The following CSMD1 variants were observed in gnomAD, a reference collection of about 807,000 sequenced individuals.
CSMD1 encodes CUB and sushi domain-containing protein 1.
Under a neutral mutation model 417.5 loss-of-function variants are expected in CSMD1, and 213 were observed. That is an observed-to-expected ratio of 0.51 (90% confidence interval 0.46 to 0.57). The LOEUF (loss-of-function observed/expected upper bound fraction) is 0.57. CSMD1 is among the 20% of genes least tolerant of loss of function. The probability of loss-of-function intolerance (pLI) is 0.00; values close to 1 mark genes in which losing one functional copy is unlikely to be tolerated. For synonymous variants in CSMD1, 2,862 were observed against 1,736.8 expected (o/e 1.65, Z -16.11); for missense variants, 6,923 against 4,529.7 (o/e 1.53, Z -15.17).
intron 2 of CSMD1, among the ~76,000 whole-genome samples, chr8:4,551,874 G>C (rs1000697576): frequency 7.0e-5 from 10 of 142,470 alleles, no homozygotes; most frequent in African/African-American, 2.1e-4. Flanking sequence ...TTTTTGTAGA[G>C]ATGGGGTATC....
intron 10 of CSMD1, among the ~76,000 whole-genome samples, chr8:3,555,606 A>G (rs939293025): frequency 6.6e-6 from 1 of 152,230 alleles, no homozygotes; most frequent in Non-Finnish European, 1.5e-5. Context: ...AATTCTACAG[A>G]ACAAACTTAT....
At chr8:3,021,274 G>T (rs965447056) in intron 51 of CSMD1, among the ~76,000 whole-genome samples, 1 of 152,194 alleles carries the variant, frequency 6.6e-6, no homozygotes, top group Non-Finnish European at 1.5e-5. Context: ...TAAAGAAGAA[G>T]TAATGGAGCA....
At chr8:4,161,146 G>A (rs1797134505) in intron 3 of CSMD1, among the ~76,000 whole-genome samples, 12 of 151,110 alleles carry the variant, frequency 7.9e-5, no homozygotes, top group Admixed American at 7.9e-4. Flanking sequence ...CATGTCTTAA[G>A]ACATGATAAA....
chr8:4,596,199 G>A (rs114099159), intron 2 of CSMD1, among the ~76,000 whole-genome samples: 2 of 152,226 alleles, frequency 1.3e-5, no homozygotes, highest in Admixed American at 6.5e-5. Context: ...AAGTAAGTTT[G>A]GTTTTGGTAG....
intron 23 of CSMD1, among the ~76,000 whole-genome samples, chr8:3,327,494 A>T (rs1227596397): frequency 6.6e-6 from 1 of 152,196 alleles, no homozygotes; most frequent in African/African-American, 2.4e-5. Context: ...TTTCCTCTTA[A>T]CATACACATC....
intron 6 of CSMD1, among the ~76,000 whole-genome samples, chr8:3,736,591 C>T (rs986144182): frequency 6.6e-6 from 1 of 152,224 alleles, no homozygotes; most frequent in African/African-American, 2.4e-5. Context: ...GCTCCCAGGC[C>T]CTGGCTCCTG....
At chr8:4,565,981 G>C (rs1345312268) in intron 2 of CSMD1, among the ~76,000 whole-genome samples, 1 of 151,364 alleles carries the variant, frequency 6.6e-6, no homozygotes, top group Admixed American at 6.6e-5. Context: ...ATCTATATTT[G>C]GGTCTATTGA....
chr8:3,912,006 C>T (rs938679218), intron 5 of CSMD1, among the ~76,000 whole-genome samples: 1 of 152,180 alleles, frequency 6.6e-6, no homozygotes, highest in Admixed American at 6.5e-5. Context: ...TTCAAAGGAT[C>T]ACCAATTGTC....
intron 3 of CSMD1, among the ~76,000 whole-genome samples, chr8:4,224,069 A>C (rs905062074): frequency 2.0e-5 from 3 of 152,106 alleles, no homozygotes; most frequent in Admixed American, 1.3e-4. Context: ...AAACAGGGCT[A>C]AAGGCTGATG....
chr8:2,985,781 G>C (rs76698791), intron 54 of CSMD1, among the ~76,000 whole-genome samples: 7,415 of 152,062 alleles, frequency 0.049, 253 homozygotes, highest in African/African-American at 0.079. Context: ...ATAGCTGCCC[G>C]GAGCAACAGG....
chr8:4,084,950 C>T (rs1174059910), intron 3 of CSMD1, among the ~76,000 whole-genome samples: 1 of 152,082 alleles, frequency 6.6e-6, no homozygotes, highest in Non-Finnish European at 1.5e-5. Flanking sequence ...TGGGAAAGCA[C>T]CTGCAGAAAG....
At chr8:3,690,595 C>T (rs887227402) in intron 7 of CSMD1, among the ~76,000 whole-genome samples, 2 of 152,140 alleles carry the variant, frequency 1.3e-5, no homozygotes, top group Non-Finnish European at 2.9e-5. Flanking sequence ...AGATGTGATT[C>T]AACGGTACTG....
At chr8:3,384,353 A>G (rs1402547311) in intron 18 of CSMD1, among the ~76,000 whole-genome samples, 1 of 152,024 alleles carries the variant, frequency 6.6e-6, no homozygotes, top group African/African-American at 2.4e-5. Flanking sequence ...GAGCAACACT[A>G]TGTCTTAATA....
At chr8:3,824,201 C>G (rs991812075) in intron 5 of CSMD1, among the ~76,000 whole-genome samples, 3 of 151,776 alleles carry the variant, frequency 2.0e-5, no homozygotes, top group African/African-American at 7.3e-5. Context: ...CTAATTTATC[C>G]TGACAGAGTT....
chr8:3,827,656 A>G (rs1228919122), intron 5 of CSMD1, among the ~76,000 whole-genome samples: 1 of 152,198 alleles, frequency 6.6e-6, no homozygotes, highest in Non-Finnish European at 1.5e-5. Context: ...ATAAAACATG[A>G]TTTTTGAAAG....
chr8:4,063,423 T>A (rs1366047433), intron 3 of CSMD1, among the ~76,000 whole-genome samples: 7 of 152,198 alleles, frequency 4.6e-5, no homozygotes, highest in Non-Finnish European at 1.0e-4. Context: ...AAATTATGAT[T>A]ATTAAATGAA....
chr8:3,533,784 T>G (rs1019845283), intron 10 of CSMD1, among the ~76,000 whole-genome samples: 2 of 152,188 alleles, frequency 1.3e-5, no homozygotes, highest in Non-Finnish European at 2.9e-5. Flanking sequence ...CTCTTGTAAC[T>G]ATCACAAAAC....
intron 1 of CSMD1, among the ~76,000 whole-genome samples, chr8:4,639,778 ATAT>A (rs754355041): frequency 2.0e-4 from 31 of 152,204 alleles, no homozygotes; most frequent in South Asian, 8.3e-4. Context: ...ATTCACAGTA[ATAT>A]TATCAAATGC....
chr8:4,685,551 G>C (rs868436864), intron 1 of CSMD1, among the ~76,000 whole-genome samples: 3 of 152,058 alleles, frequency 2.0e-5, no homozygotes, highest in Non-Finnish European at 4.4e-5. Flanking sequence ...ACTGCAGCCT[G>C]GGTGACAGAA....
Sources: allele counts gnomAD v4.1 joint callset (sites outside exome capture counted in the v4.1 genomes callset), GRCh38; gene constraint gnomAD v4.1.1; transcripts MANE v1.5; gene names NCBI Gene and HGNC (gene_info 2026-07-23, HGNC 2026-07-21).